Variants in RAB3GAP2 observed in about 807,000 individuals in gnomAD.
The protein encoded by RAB3GAP2 is RAB3 GTPase activating non-catalytic protein subunit 2.
In RAB3GAP2, 87 loss-of-function variants were observed where a neutral mutation model predicts 185.3. The observed-to-expected ratio is 0.47, with a 90% CI of 0.39 to 0.56. The LOEUF (loss-of-function observed/expected upper bound fraction) is 0.56, where lower values mean the gene tolerates loss of function less well. RAB3GAP2 is among the 20% of genes least tolerant of loss of function. The pLI is 0.00. For missense variants in RAB3GAP2, 1,492 were observed against 1,638.2 expected, an observed-to-expected ratio of 0.91 and a Z score of 1.54; for synonymous variants, 554 against 576.1, an observed-to-expected ratio of 0.96 and a Z score of 0.55.
At chr1:220,266,579 A>C in intron 1 of RAB3GAP2, 1 of 885,810 alleles carries the variant, frequency 1.1e-6, no homozygotes, top group Non-Finnish European at 1.8e-6. Flanking sequence ...TGCTCAGTAA[A>C]ACAAATATTT....
At chr1:220,177,731 T>C (rs1490343433) in intron 21 of RAB3GAP2, among the ~76,000 whole-genome samples, 3 of 152,156 alleles carry the variant, frequency 2.0e-5, no homozygotes, top group Non-Finnish European at 1.5e-5. Flanking sequence ...AATTCGTTGA[T>C]AGACTATTTA....
rs535558307 is a variant in RAB3GAP2, at chr1:220,254,407, G to C, written c.115+17816C>G. The C allele has an allele frequency of 8.5e-5, 137 of 1,612,956 alleles. No homozygotes were observed. In the African/African-American group the frequency reaches 1.7e-3, roughly 20 times the overall value. On this transcript the variant is annotated intron_variant, in intron 1 of 34. Coordinates refer to ENST00000358951, the MANE Select transcript of RAB3GAP2 (RefSeq NM_012414.4). ...AGCAATGTTGGCCTATACACCTCTGGATGAGAAGAGCCTTGCTTTATTACT... is the reference window on the plus strand; with the variant it reads ...AGCAATGTTGGCCTATACACCTCTGCATGAGAAGAGCCTTGCTTTATTACT...
At chr1:220,168,399 CTTTTT>C (rs746471692) in intron 24 of RAB3GAP2, among the ~76,000 whole-genome samples, 1 of 139,094 alleles carries the variant, frequency 7.2e-6, no homozygotes, top group African/African-American at 2.6e-5. Context: ...GTAAATATTC[CTTTTT>C]TTTTTTTTTT....
chr1:220,244,432 C>A lies in RAB3GAP2; in HGVS notation c.116-11569G>T, dbSNP rs577635035. On this transcript the variant is annotated intron_variant, in intron 1 of 34. Transcript: ENST00000358951. ...GACACAAACAAATGGAAACACATCC[C>A]ATGCTCATGGACGGGAAGAATCGAT... Among the ~76,000 whole-genome samples, 6 of 152,328 alleles carry A rather than the reference C, an allele frequency of 3.9e-5. No individual in the cohort carries two copies. In the East Asian group the frequency reaches 9.6e-4, roughly 24 times the overall value.
At chr1:220,176,256 CTG>C (rs1286344750) in intron 21 of RAB3GAP2, among the ~76,000 whole-genome samples, 3 of 152,220 alleles carry the variant, frequency 2.0e-5, no homozygotes, top group African/African-American at 4.8e-5. Context: ...AAAATATTAA[CTG>C]TTATCTCACA....
In RAB3GAP2 at chr1:220,151,890, G is replaced by T. The variant is rs543621055; in HGVS notation, c.3868-126C>A. On this transcript the variant is annotated intron_variant, in intron 33 of 34. Transcript: ENST00000358951. Reference sequence around the variant, plus strand: ...AACTGTGGCCATTTATCTTTTGATTGTATACAACCAAAGATAAATCCAAAT... The same window carrying T: ...AACTGTGGCCATTTATCTTTTGATTTTATACAACCAAAGATAAATCCAAAT... 13 of 991,076 alleles carry T rather than the reference G, an allele frequency of 1.3e-5. No individual in the cohort carries two copies. The African/African-American group carries it at 1.9e-4, about 15-fold the overall frequency. The allele number at this position is 991,076 out of a possible 1,614,324, so 61.4% of individuals were successfully genotyped here.
chr1:220,154,995 G>A (rs985781759), intron 31 of RAB3GAP2, among the ~76,000 whole-genome samples: 9 of 152,162 alleles, frequency 5.9e-5, no homozygotes, highest in Non-Finnish European at 8.8e-5. Context: ...AAAGTGCTGG[G>A]ATTACAGGCA....
At chr1:220,239,437 A>C (rs1654952385) in intron 1 of RAB3GAP2, among the ~76,000 whole-genome samples, 2 of 152,030 alleles carry the variant, frequency 1.3e-5, no homozygotes, top group African/African-American at 4.8e-5. Context: ...CACCATGTTG[A>C]CCAGGTTGGT....
At chr1:220,268,163 G>A (rs1660261317) in intron 1 of RAB3GAP2, among the ~76,000 whole-genome samples, 1 of 152,050 alleles carries the variant, frequency 6.6e-6, no homozygotes, top group African/African-American at 2.4e-5. Context: ...AAAAGCAAAG[G>A]CAAATACCAT....
intron 1 of RAB3GAP2, among the ~76,000 whole-genome samples, chr1:220,234,537 T>C (rs147348658): frequency 1.4e-3 from 217 of 152,352 alleles, no homozygotes; most frequent in African/African-American, 5.1e-3. Flanking sequence ...TTGATTAACA[T>C]TGCACAATTT....
intron 7 of RAB3GAP2, among the ~76,000 whole-genome samples, chr1:220,206,948 T>C (rs574548584): frequency 7.1e-4 from 108 of 152,320 alleles, no homozygotes; most frequent in African/African-American, 2.5e-3. Flanking sequence ...CTATCAGAGA[T>C]TGGAATCACC....
chr1:220,197,050 A>G (rs549805401), intron 9 of RAB3GAP2, among the ~76,000 whole-genome samples: 91 of 151,406 alleles, frequency 6.0e-4, no homozygotes, highest in Non-Finnish European at 1.0e-3. Flanking sequence ...GCAATGGTGC[A>G]ATCTCAGCTC....
chr1:220,217,225 T>C (rs1033224413), intron 2 of RAB3GAP2, among the ~76,000 whole-genome samples: 1 of 152,140 alleles, frequency 6.6e-6, no homozygotes, highest in Non-Finnish European at 1.5e-5. Flanking sequence ...TTGTCTTTAC[T>C]TGAGATTTGA....
chr1:220,180,093 C>T (rs1246905963), intron 21 of RAB3GAP2, among the ~76,000 whole-genome samples: 6 of 151,790 alleles, frequency 4.0e-5, no homozygotes, highest in African/African-American at 1.5e-4. Context: ...ACCCAGGAGG[C>T]GGAAGTTGCA....
chr1:220,217,328 T>A (rs953189116), intron 2 of RAB3GAP2, among the ~76,000 whole-genome samples: 66 of 152,154 alleles, frequency 4.3e-4, no homozygotes, highest in African/African-American at 1.5e-3. Context: ...GTTCTTTGAG[T>A]CGATTTACAG....
intron 4 of RAB3GAP2, 83 bp from the exon 5 acceptor site, chr1:220,211,085 A>G: frequency 7.5e-7 from 1 of 1,338,134 alleles, no homozygotes; most frequent in South Asian, 1.2e-5. Flanking sequence ...GTTAAAGGAT[A>G]ATAACTGGAA....
chr1:220,175,005 A>G (rs1658260446), intron 21 of RAB3GAP2, among the ~76,000 whole-genome samples: 1 of 152,212 alleles, frequency 6.6e-6, no homozygotes, highest in Non-Finnish European at 1.5e-5. Flanking sequence ...TTGCCTATAC[A>G]GTTAACAAAG....
At chr1:220,167,802 G>T in intron 24 of RAB3GAP2, 127 bp from the exon 25 acceptor site, 1 of 1,015,534 alleles carries the variant, frequency 9.8e-7, no homozygotes, top group Non-Finnish European at 1.5e-6. Context: ...AAGCTGACCC[G>T]AAAAAGCCAT....
chr1:220,174,913 A>G (rs1658258900), intron 21 of RAB3GAP2, among the ~76,000 whole-genome samples: 1 of 152,202 alleles, frequency 6.6e-6, no homozygotes, highest in African/African-American at 2.4e-5. Context: ...TTTATTTATC[A>G]GGGGAATTTC....
Sources: allele counts gnomAD v4.1 joint callset (sites outside exome capture counted in the v4.1 genomes callset), GRCh38; gene constraint gnomAD v4.1.1; transcripts MANE v1.5; gene names NCBI Gene and HGNC (gene_info 2026-07-23, HGNC 2026-07-21).